Variants in PTPRD observed in about 807,000 individuals in gnomAD.
The protein encoded by PTPRD is protein tyrosine phosphatase receptor type D.
Under a neutral mutation model 214.5 loss-of-function variants are expected in PTPRD, and 34 were observed. That is an observed-to-expected ratio of 0.16 (90% CI 0.12 to 0.21). PTPRD has a LOEUF of 0.21. Among genes scored for constraint, PTPRD ranks in the 10% least tolerant of loss-of-function variants. PTPRD has a pLI of 1.00. For synonymous variants in PTPRD, 1,128 were observed against 845.7 expected, an observed-to-expected ratio of 1.33 and a Z score of -5.79; for missense variants, 2,545 against 2,398.7, an observed-to-expected ratio of 1.06 and a Z score of -1.27.
chr9:9,018,054 A>G (rs892706768), intron 11 of PTPRD, among the ~76,000 whole-genome samples: 2 of 151,948 alleles, frequency 1.3e-5, no homozygotes, highest in African/African-American at 4.8e-5. Flanking sequence ...TTTTTTGAAG[A>G]TCTGTCGTCT....
intron 14 of PTPRD, among the ~76,000 whole-genome samples, chr9:8,550,257 A>G (rs1036942658): frequency 3.3e-5 from 5 of 152,176 alleles, no homozygotes; most frequent in Admixed American, 6.5e-5. Context: ...AGATTAGTAT[A>G]GATACCTTAC....
At chr9:8,810,011 C>T (rs1258177227) in intron 11 of PTPRD, among the ~76,000 whole-genome samples, 2 of 152,124 alleles carry the variant, frequency 1.3e-5, no homozygotes, top group East Asian at 3.9e-4. Flanking sequence ...ACAATGTGGG[C>T]CAATTCATCA....
intron 2 of PTPRD, among the ~76,000 whole-genome samples, chr9:10,444,932 A>T (rs2098788408): frequency 6.6e-6 from 1 of 151,994 alleles, no homozygotes; most frequent in Admixed American, 6.6e-5. Context: ...AAAATTGTAC[A>T]TGTATACAGA....
intron 2 of PTPRD, among the ~76,000 whole-genome samples, chr9:10,608,692 A>G (rs1005025064): frequency 6.6e-6 from 1 of 152,138 alleles, no homozygotes; most frequent in Non-Finnish European, 1.5e-5. Context: ...TCACACTTCC[A>G]ATTGTAGTGA....
chr9:10,389,461 C>A (rs2098008727), intron 2 of PTPRD, among the ~76,000 whole-genome samples: 1 of 151,854 alleles, frequency 6.6e-6, no homozygotes, highest in South Asian at 2.1e-4. Context: ...TGCCAGCAAT[C>A]CACACACAGT....
intron 10 of PTPRD, among the ~76,000 whole-genome samples, chr9:9,027,993 TTCTCTGAGTGAAA>T (rs1159388415): frequency 6.6e-6 from 1 of 151,922 alleles, no homozygotes; most frequent in Non-Finnish European, 1.5e-5. Context: ...TAATCTGTAA[TTCTCTGAGTGAAA>T]TCTCATCAAG....
At chr9:8,843,808 G>A (rs1404618336) in intron 11 of PTPRD, among the ~76,000 whole-genome samples, 3 of 152,104 alleles carry the variant, frequency 2.0e-5, no homozygotes, top group Non-Finnish European at 4.4e-5. Flanking sequence ...GTGTAACAAA[G>A]ACAGTGTCAA....
intron 11 of PTPRD, among the ~76,000 whole-genome samples, chr9:8,791,595 T>A (rs979740228): frequency 6.8e-6 from 1 of 146,606 alleles, no homozygotes; most frequent in African/African-American, 2.5e-5. Context: ...TGGGGCGATC[T>A]CGGCTCACTG....
intron 7 of PTPRD, among the ~76,000 whole-genome samples, chr9:9,672,722 T>A (rs1181670407): frequency 6.6e-6 from 1 of 152,062 alleles, no homozygotes; most frequent in African/African-American, 2.4e-5. Context: ...TCCACCCAGT[T>A]TCACTACTGA....
At chr9:8,833,575 A>G (rs2097343688) in intron 11 of PTPRD, among the ~76,000 whole-genome samples, 1 of 150,246 alleles carries the variant, frequency 6.7e-6, no homozygotes, top group South Asian at 2.1e-4. Flanking sequence ...GGATCTATGT[A>G]TGACCTGGTC....
intron 14 of PTPRD, among the ~76,000 whole-genome samples, chr9:8,563,042 C>T (rs1341092932): frequency 6.6e-6 from 1 of 151,920 alleles, no homozygotes; most frequent in Non-Finnish European, 1.5e-5. Flanking sequence ...AATGGAATAC[C>T]ATTTGGCAAT....
intron 3 of PTPRD, among the ~76,000 whole-genome samples, chr9:10,272,512 A>T (rs2154383765): frequency 6.6e-6 from 1 of 152,356 alleles, no homozygotes; most frequent in East Asian, 1.9e-4. Context: ...CTCACTGTTA[A>T]ACACATAGTT....
intron 3 of PTPRD, among the ~76,000 whole-genome samples, chr9:10,143,042 C>T (rs1325933706): frequency 6.6e-6 from 1 of 151,972 alleles, no homozygotes; most frequent in Non-Finnish European, 1.5e-5. Context: ...CCAAACACCG[C>T]ATATTGTCAC....
chr9:10,574,575 A>T (rs1320580088), intron 2 of PTPRD, among the ~76,000 whole-genome samples: 1 of 152,026 alleles, frequency 6.6e-6, no homozygotes, highest in African/African-American at 2.4e-5. Context: ...TAAGATAGGG[A>T]AAGTTTATGA....
At chr9:9,144,612 G>T (rs2099865551) in intron 10 of PTPRD, among the ~76,000 whole-genome samples, 1 of 152,004 alleles carries the variant, frequency 6.6e-6, no homozygotes, top group South Asian at 2.1e-4. Flanking sequence ...AATTAGCTGG[G>T]TGTGGTGGCA....
At chr9:9,318,726 A>G (rs1964777068) in intron 9 of PTPRD, among the ~76,000 whole-genome samples, 1 of 152,188 alleles carries the variant, frequency 6.6e-6, no homozygotes, top group African/African-American at 2.4e-5. Context: ...CAACATCCAG[A>G]CAGTTGTCTA....
At chr9:8,624,111 G>C (rs1323666535) in intron 14 of PTPRD, among the ~76,000 whole-genome samples, 5 of 151,864 alleles carry the variant, frequency 3.3e-5, no homozygotes, top group Non-Finnish European at 7.4e-5. Flanking sequence ...TCTAGTTTGA[G>C]TTAGGCAGTT....
chr9:9,435,110 C>A (rs142624461), intron 8 of PTPRD, among the ~76,000 whole-genome samples: 2 of 151,908 alleles, frequency 1.3e-5, no homozygotes, highest in South Asian at 4.2e-4. Flanking sequence ...TTTTAGACCC[C>A]GCTTTACTTT....
intron 3 of PTPRD, among the ~76,000 whole-genome samples, chr9:10,339,704 G>A (rs1052487718): frequency 6.6e-6 from 1 of 151,594 alleles, no homozygotes; most frequent in Non-Finnish European, 1.5e-5. Context: ...ATGGTGTGGG[G>A]AGAAGTCCTG....
Sources: allele counts gnomAD v4.1 joint callset (sites outside exome capture counted in the v4.1 genomes callset), GRCh38; gene constraint gnomAD v4.1.1; transcripts MANE v1.5; gene names NCBI Gene and HGNC (gene_info 2026-07-23, HGNC 2026-07-21).